NEGR1: variants seen among roughly 807,000 people sequenced by gnomAD.
NEGR1 encodes the protein neuronal growth regulator 1, also known as IgLON family member 4.
A neutral mutation model predicts 40.9 loss-of-function variants in NEGR1; 10 were observed. That is an observed-to-expected ratio of 0.24 (90% confidence interval 0.15 to 0.42). The LOEUF (loss-of-function observed/expected upper bound fraction) is 0.42, where lower values mean the gene tolerates loss of function less well. NEGR1 is among the 10% of genes least tolerant of loss of function. NEGR1 has a pLI of 1.00. For missense variants in NEGR1, 352 were observed against 438.9 expected (o/e 0.80, Z 1.77); for synonymous variants, 185 against 166.8 (o/e 1.11, Z -0.84).
At chr1:72,240,876 C>T (rs1308406514) in intron 1 of NEGR1, among the ~76,000 whole-genome samples, 1 of 151,698 alleles carries the variant, frequency 6.6e-6, no homozygotes, top group Non-Finnish European at 1.5e-5. Flanking sequence ...AGGTATTAAT[C>T]TTATAGTACT....
chr1:71,860,182 C>G (rs187544324), intron 2 of NEGR1, among the ~76,000 whole-genome samples: 3 of 141,316 alleles, frequency 2.1e-5, no homozygotes, highest in Admixed American at 7.1e-5. Context: ...AGAGGGCAGT[C>G]AAAATTCTCA....
intron 2 of NEGR1, among the ~76,000 whole-genome samples, chr1:71,872,897 CT>C (rs1553171293): frequency 6.6e-6 from 1 of 151,964 alleles, no homozygotes; most frequent in Non-Finnish European, 1.5e-5. Context: ...TGTTCTCTCT[CT>C]TTTTACTTCA....
intron 3 of NEGR1, among the ~76,000 whole-genome samples, chr1:71,741,579 A>C (rs2101676750): frequency 6.6e-6 from 1 of 152,286 alleles, no homozygotes; most frequent in Admixed American, 6.5e-5. Context: ...ATGTTCCCCC[A>C]AAATTCATAC....
chr1:71,712,888 G>A (rs554089269), intron 3 of NEGR1, among the ~76,000 whole-genome samples: 9 of 152,236 alleles, frequency 5.9e-5, no homozygotes, highest in African/African-American at 2.2e-4. Context: ...CTGCCACCAT[G>A]TGAAGATGTG....
intron 6 of NEGR1, among the ~76,000 whole-genome samples, chr1:71,470,868 C>T (rs138086388): frequency 1.0e-3 from 156 of 152,238 alleles, no homozygotes; most frequent in African/African-American, 3.6e-3. Flanking sequence ...CTTTCCCTCA[C>T]GCTACCACTA....
chr1:72,023,061 A>T (rs1010046608), intron 1 of NEGR1, among the ~76,000 whole-genome samples: 1 of 152,186 alleles, frequency 6.6e-6, no homozygotes. Flanking sequence ...TTGATGAAGT[A>T]TGAATAAAAT....
At chr1:72,004,326 TGAGAGA>T (rs1277557654) in intron 1 of NEGR1, among the ~76,000 whole-genome samples, 6 of 152,154 alleles carry the variant, frequency 3.9e-5, no homozygotes, top group African/African-American at 1.2e-4. Context: ...TGTTTTGTTT[TGAGAGA>T]GTTTCCCTGT....
chr1:71,425,711 A>G (rs1393458594), intron 6 of NEGR1, among the ~76,000 whole-genome samples: 1 of 152,186 alleles, frequency 6.6e-6, no homozygotes, highest in Non-Finnish European at 1.5e-5. Context: ...AATCCTGGGA[A>G]GCATATAATC....
intron 2 of NEGR1, among the ~76,000 whole-genome samples, chr1:71,866,926 A>C (rs1002266756): frequency 6.6e-6 from 1 of 152,208 alleles, no homozygotes; most frequent in Non-Finnish European, 1.5e-5. Context: ...GAAAAGTGGG[A>C]ATGTCCCTAC....
intron 1 of NEGR1, among the ~76,000 whole-genome samples, chr1:72,056,445 T>C (rs1379142282): frequency 1.3e-5 from 2 of 151,448 alleles, no homozygotes; most frequent in Non-Finnish European, 3.0e-5. Context: ...GAATAGCTTT[T>C]TCTTCTAAAC....
intron 1 of NEGR1, among the ~76,000 whole-genome samples, chr1:72,167,569 T>A (rs1651812962): frequency 6.6e-6 from 1 of 152,060 alleles, no homozygotes; most frequent in Non-Finnish European, 1.5e-5. Flanking sequence ...TCTAAATAAA[T>A]GGGATAAAGC....
chr1:71,661,265 G>A (rs1341622650), intron 4 of NEGR1, among the ~76,000 whole-genome samples: 1 of 152,094 alleles, frequency 6.6e-6, no homozygotes, highest in African/African-American at 2.4e-5. Flanking sequence ...AAATCCCTGA[G>A]GAATCACAAG....
chr1:72,200,820 C>T (rs964962473), intron 1 of NEGR1, among the ~76,000 whole-genome samples: 23 of 151,846 alleles, frequency 1.5e-4, no homozygotes, highest in Non-Finnish European at 2.4e-4. Context: ...ACGTTTTCAA[C>T]CTAACTTTTC....
At chr1:72,039,673 A>T (rs1646935103) in intron 1 of NEGR1, among the ~76,000 whole-genome samples, 1 of 151,964 alleles carries the variant, frequency 6.6e-6, no homozygotes, top group African/African-American at 2.4e-5. Context: ...GATAAAAGAG[A>T]AACCTTCAGG....
At chr1:71,864,435 C>T (rs993115828) in intron 2 of NEGR1, among the ~76,000 whole-genome samples, 54 of 151,960 alleles carry the variant, frequency 3.6e-4, no homozygotes, top group African/African-American at 1.1e-3. Flanking sequence ...TCTGATTACA[C>T]CTAAAAATTA....
At chr1:71,863,341 T>G (rs1262335463) in intron 2 of NEGR1, among the ~76,000 whole-genome samples, 5 of 151,994 alleles carry the variant, frequency 3.3e-5, no homozygotes, top group Admixed American at 2.6e-4. Context: ...AGCAAACTAA[T>G]GCAGGAACAG....
At chr1:72,086,679 G>A (rs1181984290) in intron 1 of NEGR1, among the ~76,000 whole-genome samples, 1 of 152,072 alleles carries the variant, frequency 6.6e-6, no homozygotes, top group Admixed American at 6.6e-5. Flanking sequence ...TATAATAAGT[G>A]TTGTTCCGGT....
chr1:71,718,715 A>AT (rs1043169834), intron 3 of NEGR1, among the ~76,000 whole-genome samples: 1 of 152,128 alleles, frequency 6.6e-6, no homozygotes, highest in Non-Finnish European at 1.5e-5. Context: ...AAAGCCTGCC[A>AT]TTTTTTTAAT....
intron 2 of NEGR1, among the ~76,000 whole-genome samples, chr1:71,888,126 T>G (rs1030799585): frequency 2.6e-5 from 4 of 152,036 alleles, no homozygotes; most frequent in Admixed American, 2.6e-4. Context: ...ATAGTAGAGG[T>G]TAGATGACTC....
Sources: allele counts gnomAD v4.1 joint callset (sites outside exome capture counted in the v4.1 genomes callset), GRCh38; gene constraint gnomAD v4.1.1; transcripts MANE v1.5; gene names NCBI Gene and HGNC (gene_info 2026-07-23, HGNC 2026-07-21).